The following CSNK1G2 variants were observed in gnomAD, a reference collection of about 807,000 sequenced individuals.
CSNK1G2 encodes casein kinase 1 gamma 2.
CSNK1G2 carries 11 observed loss-of-function variants against 48.0 expected under a neutral mutation model. That is an observed-to-expected ratio of 0.23 (90% confidence interval 0.14 to 0.38). The LOEUF is 0.38. Among genes scored for constraint, CSNK1G2 ranks in the 10% least tolerant of loss-of-function variants. The pLI, the probability that CSNK1G2 is intolerant of heterozygous loss-of-function variation, is 1.00. For synonymous variants in CSNK1G2, 337 were observed against 254.1 expected (o/e 1.33, Z -3.10); for missense variants, 446 against 595.5 (o/e 0.75, Z 2.61).
chr19:1,951,414 A>T (rs988849276), intron 1 of CSNK1G2, among the ~76,000 whole-genome samples: 13 of 138,662 alleles, frequency 9.4e-5, no homozygotes, highest in South Asian at 4.5e-4. Context: ...AAAAAAAAAT[A>T]AAAAAAATCA....
intron 1 of CSNK1G2, among the ~76,000 whole-genome samples, chr19:1,965,947 C>T (rs1461906151): frequency 3.9e-5 from 6 of 152,188 alleles, no homozygotes; most frequent in Non-Finnish European, 8.8e-5. Flanking sequence ...CAGGTGCGCA[C>T]CGCCATGACT....
In CSNK1G2 at chr19:1,978,003, C is replaced by A. The variant is rs561741977; in HGVS notation, c.188-302C>A. Reference sequence around the variant, plus strand: ...TGGAGCCCTTGGGGCTGCCTGCAGGCCGTGAGAGACCTCCCCAGTGCCGCT... The same window carrying A: ...TGGAGCCCTTGGGGCTGCCTGCAGGACGTGAGAGACCTCCCCAGTGCCGCT... On this transcript the variant is annotated intron_variant, in intron 2 of 11. Coordinates refer to ENST00000255641, the MANE Select transcript of CSNK1G2 (RefSeq NM_001319.7). The surrounding 1 kb of genome is among the most constrained non-coding windows in gnomAD (Gnocchi z 7.3). Among the ~76,000 whole-genome samples, 1 of 151,968 alleles carries A rather than the reference C, an allele frequency of 6.6e-6. No individual in the cohort carries two copies. Among genetic ancestry groups the A allele is most frequent in the East Asian group, 1.9e-4 (1 of 5,152 alleles).
chr19:1,944,697 TG>T (rs71174397), intron 1 of CSNK1G2, among the ~76,000 whole-genome samples: 62,922 of 144,006 alleles, frequency 0.44, 15,959 homozygotes, highest in Non-Finnish European at 0.57. Context: ...CCTGGCTGGG[TG>T]GGGGGGGGTA....
chr19:1,961,892 A>T (rs1313235009), intron 1 of CSNK1G2, among the ~76,000 whole-genome samples: 1 of 152,168 alleles, frequency 6.6e-6, no homozygotes, highest in Non-Finnish European at 1.5e-5. Context: ...TCCCTTCTTC[A>T]ACCACGGCCA....
rs2015493963 is a variant in CSNK1G2, at chr19:1,969,553, T to A, written c.-220T>A. ...GGCGGTGGGATGTGTCAGCAGAATG[T>A]CTCCTGCCCCCGAGAGCGACCCCGA... On this transcript the variant is annotated 5_prime_UTR_variant, in exon 2 of 12. Transcript: ENST00000255641. The A allele has an allele frequency of 5.3e-6, 2 of 375,136 alleles. No homozygotes were observed. Among genetic ancestry groups the A allele is most frequent in the Non-Finnish European group, 9.5e-6 (2 of 210,890 alleles). 23.2% of individuals were successfully genotyped at this position (375,136 alleles called of 1,614,324 possible). A position where few individuals can be genotyped will look rare whatever the true frequency, so the allele number is the denominator to read the frequency against.
intron 2 of CSNK1G2, chr19:1,976,012 G>GC: frequency 1.6e-6 from 2 of 1,236,014 alleles, no homozygotes; most frequent in Non-Finnish European, 2.1e-6. Flanking sequence ...TCCAGCCTGG[G>GC]CAACAGAACG....
intron 2 of CSNK1G2, among the ~76,000 whole-genome samples, chr19:1,974,489 G>A (rs1370537475): frequency 2.0e-5 from 3 of 152,256 alleles, no homozygotes; most frequent in Middle Eastern, 3.4e-3. Context: ...TGACCCTTGG[G>A]GGGTGCATCA....
At chr19:1,972,142 C>T (rs955130101) in intron 2 of CSNK1G2, among the ~76,000 whole-genome samples, 19 of 152,206 alleles carry the variant, frequency 1.2e-4, no homozygotes, top group Admixed American at 9.8e-4. Context: ...GTGTGCTTCG[C>T]GGGCAGCCGC....
At chr19:1,950,796 G>A (rs1431529941) in intron 1 of CSNK1G2, among the ~76,000 whole-genome samples, 2 of 146,582 alleles carry the variant, frequency 1.4e-5, no homozygotes, top group African/African-American at 2.6e-5. Context: ...TGGAAGGGAG[G>A]TGTCACCTGC....
intron 1 of CSNK1G2, among the ~76,000 whole-genome samples, chr19:1,965,200 A>ATG (rs1366856245): frequency 6.7e-6 from 1 of 149,488 alleles, no homozygotes; most frequent in African/African-American, 2.4e-5. Flanking sequence ...TCGAGACCAC[A>ATG]GTGAAACCGC....
chr19:1,956,050 C>A lies in CSNK1G2; in HGVS notation c.-265-13458C>A, dbSNP rs186763110. On this transcript the variant is annotated intron_variant, in intron 1 of 11. Coordinates refer to ENST00000255641, the MANE Select transcript of CSNK1G2 (RefSeq NM_001319.7). ...CCCCAGCTCCCGACAGCGTTGGGTCCCTGAGTGCAGGGCCTGCCCCTTTCT... is the reference window on the plus strand; with the variant it reads ...CCCCAGCTCCCGACAGCGTTGGGTCACTGAGTGCAGGGCCTGCCCCTTTCT... 2.9e-4 allele frequency among the ~76,000 whole-genome samples: 44 copies of A among 152,316 alleles called. No individual in the cohort carries two copies. In the East Asian group the frequency reaches 6.2e-3, roughly 21 times the overall value.
At position 1,942,023 on chromosome 19, in the gene CSNK1G2, T is replaced by C. The variant is rs528070253; in HGVS notation, c.-266+605T>C. Among the ~76,000 whole-genome samples the C allele has an allele frequency of 1.2e-3, 185 of 152,020 alleles. 3 individuals carry two copies. The highest frequency in any genetic ancestry group is 0.012 in the Admixed American group (181 of 15,266). ...ACGCAGCTGTGTCCCCGTCCTCACTTTGTGGTCCTAAAGCTCTTGAGGGGG... is the reference window on the plus strand; with the variant it reads ...ACGCAGCTGTGTCCCCGTCCTCACTCTGTGGTCCTAAAGCTCTTGAGGGGG... On this transcript the variant is annotated intron_variant, in intron 1 of 11. Coordinates refer to ENST00000255641, the MANE Select transcript of CSNK1G2 (RefSeq NM_001319.7).
At chr19:1,966,974 G>C (rs577010377) in intron 1 of CSNK1G2, among the ~76,000 whole-genome samples, 101 of 152,184 alleles carry the variant, frequency 6.6e-4, no homozygotes, top group African/African-American at 2.3e-3. Flanking sequence ...GGGCTCAAAC[G>C]ATCCTCCCGC....
At chr19:1,945,807 G>A (rs1432980362) in intron 1 of CSNK1G2, among the ~76,000 whole-genome samples, 2 of 142,608 alleles carry the variant, frequency 1.4e-5, no homozygotes, top group Admixed American at 7.2e-5. Flanking sequence ...GGGCAACAGA[G>A]CGAGACTCCG....
intron 2 of CSNK1G2, among the ~76,000 whole-genome samples, chr19:1,973,473 GTGCTGGGAT>G (rs2015646444): frequency 6.6e-6 from 1 of 152,248 alleles, no homozygotes; most frequent in South Asian, 2.1e-4. Context: ...GCCTCTGAAA[GTGCTGGGAT>G]TACAGGCGTG....
Position 1,978,155 on chromosome 19 carries a change from C to A in CSNK1G2, c.188-150C>A. The A allele has an allele frequency of 6.3e-6, 5 of 792,874 alleles. No individual in the cohort carries two copies. The highest frequency in any genetic ancestry group is 2.1e-5 in the Admixed American group (1 of 47,196). The allele number at this position is 792,874 out of a possible 1,614,324, so 49.1% of individuals were successfully genotyped here. On this transcript the variant is annotated intron_variant, in intron 2 of 11. Transcript: ENST00000255641. This position sits in a 1 kb window ranked among gnomAD's most constrained non-coding sequence, Gnocchi z 7.3. Reference sequence around the variant, plus strand: ...GGCCATGGTGCAGTGCTCTGGCAGGCTGGGCCCAGGCCCTGCTGCTGGGCA... The same window carrying A: ...GGCCATGGTGCAGTGCTCTGGCAGGATGGGCCCAGGCCCTGCTGCTGGGCA...
intron 1 of CSNK1G2, among the ~76,000 whole-genome samples, chr19:1,966,417 T>G (rs1486014849): frequency 6.6e-6 from 1 of 152,142 alleles, no homozygotes; most frequent in African/African-American, 2.4e-5. Flanking sequence ...TGTGACTGCA[T>G]TGTCGCTGTC....
chr19:1,958,487 C>T (rs1386207698), intron 1 of CSNK1G2, among the ~76,000 whole-genome samples: 5 of 118,628 alleles, frequency 4.2e-5, no homozygotes, highest in African/African-American at 9.6e-5. Context: ...CCCATCCCCC[C>T]GTCCAGGGCC....
intron 1 of CSNK1G2, chr19:1,953,244 G>A (rs561117127): frequency 2.4e-5 from 9 of 379,508 alleles, no homozygotes; most frequent in African/African-American, 1.3e-4. Context: ...ACTTGGGACC[G>A]GGGACCCCTG....
Sources: gnomAD v4.1 joint callset for allele counts (sites outside exome capture counted in the v4.1 genomes callset) on GRCh38, gnomAD v4.1.1 for gene constraint, Gnocchi (gnomAD v3.1) non-coding constraint, MANE v1.5 for transcripts, NCBI Gene and HGNC (gene_info 2026-07-23, HGNC 2026-07-21) for gene names.